Variants in PALD1 observed in about 807,000 individuals in gnomAD.
PALD1 encodes phosphatase domain containing paladin 1.
In PALD1, 57 loss-of-function variants were observed where a neutral mutation model predicts 96.0. The observed-to-expected ratio is 0.59, with a 90% CI of 0.48 to 0.74. The LOEUF (loss-of-function observed/expected upper bound fraction) is 0.74. PALD1 is among the 30% of genes least tolerant of loss of function. The pLI is 0.00. For missense variants in PALD1, 1,063 were observed against 1,143.7 expected, an observed-to-expected ratio of 0.93 and a Z score of 1.02; for synonymous variants, 464 against 473.6, an observed-to-expected ratio of 0.98 and a Z score of 0.26.
At chr10:70,501,838 T>TGTGCAC (rs57837334) in intron 1 of PALD1, among the ~76,000 whole-genome samples, 35 of 150,446 alleles carry the variant, frequency 2.3e-4, no homozygotes, top group African/African-American at 8.6e-4. Flanking sequence ...TGTGTGTGCG[T>TGTGCAC]GCGTGCATGC....
At chr10:70,521,875 C>T (rs1846743477) in intron 1 of PALD1, among the ~76,000 whole-genome samples, 1 of 151,740 alleles carries the variant, frequency 6.6e-6, no homozygotes, top group African/African-American at 2.4e-5. Context: ...AGCAGAAGCC[C>T]ATGGACTCCT....
chr10:70,515,169 G>A (rs1204417611), intron 1 of PALD1, among the ~76,000 whole-genome samples: 1 of 152,072 alleles, frequency 6.6e-6, no homozygotes, highest in Non-Finnish European at 1.5e-5. Context: ...ATTCAAAAGG[G>A]AAGGAGATAG....
At chr10:70,505,208 C>G (rs1846361335) in intron 1 of PALD1, among the ~76,000 whole-genome samples, 1 of 152,226 alleles carries the variant, frequency 6.6e-6, no homozygotes, top group Non-Finnish European at 1.5e-5. Context: ...CTAATTTTCC[C>G]TTGAAAGCTC....
chr10:70,483,311 ACTTTGG>A (rs1845965825), intron 1 of PALD1, among the ~76,000 whole-genome samples: 1 of 152,116 alleles, frequency 6.6e-6, no homozygotes, highest in Non-Finnish European at 1.5e-5. Flanking sequence ...ATGTGGGCTG[ACTTTGG>A]CTTTAAGGGG....
At chr10:70,508,641 C>G (rs1846443046) in intron 1 of PALD1, among the ~76,000 whole-genome samples, 1 of 152,222 alleles carries the variant, frequency 6.6e-6, no homozygotes, top group Non-Finnish European at 1.5e-5. Flanking sequence ...GTTCTTGTGA[C>G]TGTGGGCAGG....
At chr10:70,472,301 C>T in the PALD1 span, among the ~76,000 whole-genome samples, 1 of 152,150 alleles carries the variant, frequency 6.6e-6, no homozygotes, top group Non-Finnish European at 1.5e-5. Context: ...GCTCTTGTCG[C>T]CTGGGCTGGA....
At chr10:70,481,559 TC>T (rs955897027) in intron 1 of PALD1, among the ~76,000 whole-genome samples, 34 of 152,360 alleles carry the variant, frequency 2.2e-4, no homozygotes, top group African/African-American at 7.9e-4. Context: ...TCCCTGGATC[TC>T]CAGAGGCTTC....
upstream of PALD1, among the ~76,000 whole-genome samples, chr10:70,477,774 G>A (rs1211441034): frequency 2.6e-5 from 4 of 152,204 alleles, no homozygotes; most frequent in Non-Finnish European, 5.9e-5. Context: ...GGCAACCCCA[G>A]CTCGCCGAAA....
the PALD1 span, among the ~76,000 whole-genome samples, chr10:70,467,204 T>G: frequency 6.6e-6 from 1 of 152,142 alleles, no homozygotes; most frequent in Non-Finnish European, 1.5e-5. Context: ...CTTGACCCCC[T>G]TGGGAAAGAG....
At chr10:70,467,652 G>T in the PALD1 span, among the ~76,000 whole-genome samples, 1 of 152,164 alleles carries the variant, frequency 6.6e-6, no homozygotes, top group African/African-American at 2.4e-5. Flanking sequence ...GGGGAACACT[G>T]GGCAAGTTCC....
intron 1 of PALD1, among the ~76,000 whole-genome samples, chr10:70,502,322 G>A (rs1453285024): frequency 6.6e-6 from 1 of 152,118 alleles, no homozygotes; most frequent in Non-Finnish European, 1.5e-5. Flanking sequence ...TTCATCTGCT[G>A]CTCCATCCAT....
chr10:70,501,550 C>G (rs1846293801), intron 1 of PALD1, among the ~76,000 whole-genome samples: 1 of 152,206 alleles, frequency 6.6e-6, no homozygotes, highest in Admixed American at 6.5e-5. Flanking sequence ...GCAGTGGCAC[C>G]TCGGGAGCGT....
At chr10:70,560,794 A>G (rs995382449) in intron 18 of PALD1, among the ~76,000 whole-genome samples, 1 of 151,930 alleles carries the variant, frequency 6.6e-6, no homozygotes, top group Non-Finnish European at 1.5e-5. Context: ...GCCCTCTTCT[A>G]TTTTAGGGCT....
At chr10:70,473,657 T>C in the PALD1 span, among the ~76,000 whole-genome samples, 1 of 152,112 alleles carries the variant, frequency 6.6e-6, no homozygotes, top group East Asian at 1.9e-4. Context: ...ACTAATTTTT[T>C]TTTTTTTTAA....
At chr10:70,559,256 A>T (rs1847683128) in intron 18 of PALD1, among the ~76,000 whole-genome samples, 1 of 152,002 alleles carries the variant, frequency 6.6e-6, no homozygotes, top group South Asian at 2.1e-4. Flanking sequence ...CGGGGGAAGA[A>T]TGGTTCAGAC....
At chr10:70,472,703 C>T in the PALD1 span, among the ~76,000 whole-genome samples, 1 of 152,120 alleles carries the variant, frequency 6.6e-6, no homozygotes, top group African/African-American at 2.4e-5. Context: ...GCCTGGGACT[C>T]TGCAGCGAGA....
At chr10:70,555,136 G>T (rs985721711) in intron 18 of PALD1, among the ~76,000 whole-genome samples, 1 of 147,116 alleles carries the variant, frequency 6.8e-6, no homozygotes, top group Non-Finnish European at 1.5e-5. Context: ...CACCACTCCC[G>T]GCTAATTTTT....
At chr10:70,545,045 G>A (rs906836989) in intron 17 of PALD1, among the ~76,000 whole-genome samples, 2 of 149,288 alleles carry the variant, frequency 1.3e-5, no homozygotes, top group African/African-American at 2.5e-5. Context: ...CTGGGGCACC[G>A]GGCAGGTGCC....
In PALD1 at chr10:70,529,275, G is replaced by A. The variant is rs762971348; in HGVS notation, c.232G>A (p.Ala78Thr). ...EFQIHDELLK[A>T]HYTLGRLSDN... ...CCAGATCCATGATGAGCTGCTCAAG[G>A]CTCATTACACGTTGGGCCGGCTCTC... is the stretch of plus-strand genomic sequence containing the variant. The change falls in exon 3 of 20, where the codon GCT (alanine) becomes ACT (threonine). Residue 78 changes from alanine to threonine, a missense_variant. Transcript: ENST00000263563. 6.5e-6 allele frequency: 10 copies of A among 1,544,860 alleles called. No homozygotes were observed. Among genetic ancestry groups the A allele is most frequent in the South Asian group, 5.6e-5 (5 of 88,886 alleles).
Sources: gnomAD v4.1 joint callset for allele counts (sites outside exome capture counted in the v4.1 genomes callset) on GRCh38, gnomAD v4.1.1 for gene constraint, MANE v1.5 for transcripts, NCBI Gene and HGNC (gene_info 2026-07-23, HGNC 2026-07-21) for gene names.